Variants in INTS3 observed in about 807,000 individuals in gnomAD.
INTS3 encodes SOSS complex subunit A.
A neutral mutation model predicts 146.3 loss-of-function variants in INTS3; 34 were observed. That is an observed-to-expected ratio of 0.23 (90% CI 0.18 to 0.31). The LOEUF is 0.31. Among genes scored for constraint, INTS3 ranks in the 10% least tolerant of loss-of-function variants. The pLI is 1.00. For missense variants in INTS3, 757 were observed against 1,304.2 expected, an observed-to-expected ratio of 0.58 and a Z score of 6.46; for synonymous variants, 475 against 494.9, an observed-to-expected ratio of 0.96 and a Z score of 0.53.
chr1:153,769,034 T>C, intron 22 of INTS3, 73 bp downstream of exon 22: 1 of 1,237,228 alleles, frequency 8.1e-7, no homozygotes, highest in Non-Finnish European at 1.2e-6. Context: ...CTGCTCTCCC[T>C]CCAGGCCTGC....
At chr1:153,750,562 G>A (rs1006138259) in intron 6 of INTS3, among the ~76,000 whole-genome samples, 7 of 152,178 alleles carry the variant, frequency 4.6e-5, no homozygotes, top group Non-Finnish European at 8.8e-5. Context: ...AGCTGCTAAT[G>A]ATAAGCAGAC....
chr1:153,769,062 C>G, intron 22 of INTS3, 101 bp downstream of exon 22: 1 of 916,574 alleles, frequency 1.1e-6, no homozygotes, highest in Non-Finnish European at 1.8e-6. Context: ...GAGCCCATGC[C>G]TCCCAGGCAC....
intron 1 of INTS3, among the ~76,000 whole-genome samples, chr1:153,734,209 T>G (rs146596698): frequency 2.6e-5 from 4 of 152,188 alleles, no homozygotes; most frequent in Admixed American, 1.3e-4. Context: ...TGTTGGCATC[T>G]GAACCTATGA....
intron 16 of INTS3, 107 bp downstream of exon 16, chr1:153,763,469 AGT>A (rs1280704773): frequency 2.5e-6 from 3 of 1,209,778 alleles, no homozygotes; most frequent in African/African-American, 1.5e-5. Context: ...ACATGATAGG[AGT>A]GTGTGGAGAG....
At chr1:153,748,795 T>C in intron 6 of INTS3, 40 bp downstream of exon 6, 2 of 1,501,224 alleles carry the variant, frequency 1.3e-6, no homozygotes, top group Non-Finnish European at 9.3e-7. Context: ...GGCCAGATAA[T>C]GGCCATTAGG....
At chr1:153,744,038 C>CGTGTGTGTGTGTGTGT (rs200825280) in intron 3 of INTS3, among the ~76,000 whole-genome samples, 2 of 142,246 alleles carry the variant, frequency 1.4e-5, no homozygotes, top group Non-Finnish European at 1.5e-5. Flanking sequence ...TGTGCATGTG[C>CGTGTGTGTGTGTGTGT]GTGTGTGTGT....
chr1:153,758,360 G>T (rs1672239459), intron 10 of INTS3, among the ~76,000 whole-genome samples: 1 of 152,144 alleles, frequency 6.6e-6, no homozygotes. Flanking sequence ...GAGGGGTGGG[G>T]GTCTCTTCTT....
In INTS3 at chr1:153,763,357, G is replaced by A. The variant is rs1199412705; in HGVS notation, c.1761G>A (p.Lys587=). 1.2e-6 allele frequency: 2 copies of A among 1,613,922 alleles called. No individual in the cohort carries two copies. Among genetic ancestry groups the A allele is most frequent in the African/African-American group, 2.7e-5 (2 of 74,932 alleles). ...GGGACAAAGTACTCCAGCTACAGAA[G>A]GGGAGGTGGGTACAGACCTTGTTCT... ...SLRDKVLQLQ[K]GSDTEAQCEV... Residue 587 remains lysine (K), a synonymous_variant, in exon 16 of 30, where the codon AAG becomes AAA. Coordinates refer to ENST00000318967, the MANE Select transcript of INTS3 (RefSeq NM_023015.5).
In INTS3 at chr1:153,772,281, T is replaced by C; in HGVS notation, c.2721-59T>C. On this transcript the variant is annotated intron_variant, in intron 26 of 29. Coordinates refer to ENST00000318967, the MANE Select transcript of INTS3 (RefSeq NM_023015.5). The surrounding 1 kb of genome is among the most constrained non-coding windows in gnomAD (Gnocchi z 4.6). ...TAAGGGGGCCCTGGCGGGTGGAGGG[T>C]GTCTCGCACTCTGGAACCCTCCCAC... 3 of 1,564,466 alleles carry C rather than the reference T, an allele frequency of 1.9e-6. No homozygotes were observed. The Admixed American group carries it at 5.2e-5, about 27-fold the overall frequency.
At chr1:153,754,148 T>C (rs1440769314) in intron 8 of INTS3, among the ~76,000 whole-genome samples, 1 of 152,032 alleles carries the variant, frequency 6.6e-6, no homozygotes, top group Non-Finnish European at 1.5e-5. Context: ...TGTGGGGACA[T>C]GGTAACAAGG....
chr1:153,731,080 T>C (rs1324053355), intron 1 of INTS3, among the ~76,000 whole-genome samples: 1 of 152,124 alleles, frequency 6.6e-6, no homozygotes, highest in Non-Finnish European at 1.5e-5. Context: ...ATGCTTACTG[T>C]GTGCTGGGTC....
At chr1:153,760,258 AGAGAG>A in intron 11 of INTS3, 48 bp from the exon 12 acceptor site, 2 of 858,952 alleles carry the variant, frequency 2.3e-6, no homozygotes, top group Non-Finnish European at 3.7e-6. Flanking sequence ...AAAAAAAAAA[AGAGAG>A]AGAGAGACTG....
rs1671845208 is a variant in INTS3 at position 153,748,741 on chromosome 1, C to A, written c.570C>A (p.Ile190=). The A allele has an allele frequency of 1.2e-6, 2 of 1,613,800 alleles. No homozygotes were observed. The highest frequency in any genetic ancestry group is 1.7e-5 in the Admixed American group (1 of 59,972). The part of the protein sequence containing the change: ...NIWLAESVLD[I]LTEQREWVLK... ...GGTTGGCAGAAAGTGTTCTGGATAT[C>A]CTGACAGAGCAAAGGTAGCATCCAC... The change falls in exon 6 of 30, where the codon ATC becomes ATA. Residue 190 remains isoleucine, a synonymous_variant. Transcript: ENST00000318967.
chr1:153,763,129 G>A (rs1672445617), intron 15 of INTS3, 104 bp from the exon 16 acceptor site: 24 of 1,425,976 alleles, frequency 1.7e-5, no homozygotes, highest in South Asian at 7.3e-5. Context: ...GAGGAAACAG[G>A]TGCACACTTA....
intron 1 of INTS3, among the ~76,000 whole-genome samples, chr1:153,737,285 A>G (rs1570836753): frequency 1.3e-5 from 2 of 152,334 alleles, no homozygotes; most frequent in East Asian, 3.9e-4. Flanking sequence ...AAGTTTTAAA[A>G]GGACTCAGGA....
chr1:153,768,805 C>G, intron 21 of INTS3, 88 bp from the exon 22 acceptor site: 1 of 1,035,598 alleles, frequency 9.7e-7, no homozygotes, highest in Non-Finnish European at 1.5e-6. Context: ...CCAGTCAAAC[C>G]TTGAGATGTA....
intron 1 of INTS3, among the ~76,000 whole-genome samples, chr1:153,736,463 T>C (rs1671296038): frequency 6.6e-6 from 1 of 151,754 alleles, no homozygotes; most frequent in Non-Finnish European, 1.5e-5. Flanking sequence ...TTTTTTTTTT[T>C]TGAGATGGAG....
chr1:153,771,847 C>T lies in INTS3; in HGVS notation c.2604C>T (p.Asp868=), dbSNP rs767127585. ...TGCTGAGCCGGCCCTGCCATCCTGACGACCAGTTCACCACCAGCATCCTGC... is the reference window on the plus strand; with the variant it reads ...TGCTGAGCCGGCCCTGCCATCCTGATGACCAGTTCACCACCAGCATCCTGC... ...KMVLSRPCHP[D]DQFTTSILRH... Residue 868 remains aspartate, a synonymous_variant, in exon 26 of 30, where the codon GAC becomes GAT. Transcript: ENST00000318967. The T allele has an allele frequency of 7.4e-6, 12 of 1,614,060 alleles. No individual in the cohort carries two copies. The South Asian group carries it at 9.9e-5, about 13-fold the overall frequency.
In INTS3 at chr1:153,752,020, G is replaced by A. The variant is rs984656438; in HGVS notation, c.730-259G>A. 1.5e-5 allele frequency: 7 copies of A among 466,156 alleles called. No homozygotes were observed. The Admixed American group carries it at 2.9e-4, about 19-fold the overall frequency. 28.9% of individuals were successfully genotyped at this position (466,156 alleles called of 1,614,324 possible). ...GATTGAAACAGTTCTGAGTGGAGAG[G>A]GAGGTAGATTAATGTGAAAGCCAGC... On this transcript the variant is annotated intron_variant, in intron 7 of 29. Coordinates refer to ENST00000318967, the MANE Select transcript of INTS3 (RefSeq NM_023015.5).
Sources: gnomAD v4.1 joint callset for allele counts (sites outside exome capture counted in the v4.1 genomes callset) on GRCh38, gnomAD v4.1.1 for gene constraint, Gnocchi (gnomAD v3.1) non-coding constraint, MANE v1.5 for transcripts, NCBI Gene and HGNC (gene_info 2026-07-23, HGNC 2026-07-21) for gene names.